The following PTPN23 variants were observed in gnomAD, a reference collection of about 807,000 sequenced individuals.
PTPN23 encodes protein tyrosine phosphatase non-receptor type 23, also known as tyrosine-protein phosphatase non-receptor type 23.
Under a neutral mutation model 156.3 loss-of-function variants are expected in PTPN23, and 72 were observed. The ratio of observed to expected loss-of-function variants is 0.46; its 90% CI spans 0.38 to 0.56. PTPN23 has a LOEUF of 0.56. PTPN23 is among the 20% of genes least tolerant of loss of function. The pLI is 0.00. For missense variants in PTPN23, 1,974 were observed against 2,171.5 expected, an observed-to-expected ratio of 0.91 and a Z score of 1.81; for synonymous variants, 957 against 899.6, an observed-to-expected ratio of 1.06 and a Z score of -1.14.
At chr3:47,382,531 G>C (rs1704565321) in intron 1 of PTPN23, among the ~76,000 whole-genome samples, 1 of 151,752 alleles carries the variant, frequency 6.6e-6, no homozygotes, top group Admixed American at 6.6e-5. Context: ...ATGTTGGTCA[G>C]ACTGGTCTCG....
Position 47,405,110 on chromosome 3 carries a change from C to A in PTPN23, c.364+29C>A, listed in dbSNP as rs771146202. ...AGCTGCCTGATCCCTTCCCCCGGCCCTACTCCCCAGTCCTGCCAGCCTAGC... is the reference window on the plus strand; with the variant it reads ...AGCTGCCTGATCCCTTCCCCCGGCCATACTCCCCAGTCCTGCCAGCCTAGC... On this transcript the variant is annotated intron_variant, in intron 4 of 24. Coordinates refer to ENST00000265562, the MANE Select transcript of PTPN23 (RefSeq NM_015466.4). This position sits in a 1 kb window ranked among gnomAD's most constrained non-coding sequence, Gnocchi z 4.7. The A allele has an allele frequency of 1.2e-6, 2 of 1,606,286 alleles. No homozygotes were observed. The highest frequency in any genetic ancestry group is 2.2e-5 in the South Asian group (2 of 90,926).
Position 47,409,929 on chromosome 3 carries a change from G to A in PTPN23, c.2131G>A (p.Glu711Lys), listed in dbSNP as rs760031401. ...ACTTTTTCCTTGCCTGTCGCACAGG[G>A]AGCTGAAGAAGAAGCCGCCGCCACG... ...EAARQQLLDRELKKKPPPRPT... is the reference protein window; with the variant it reads ...EAARQQLLDRKLKKKPPPRPT... The change falls in exon 20 of 25, where the codon GAG becomes AAG. Residue 711 changes from glutamate (E) to lysine (K), a missense_variant and splice_region_variant. Glu to Lys is a moderately conservative substitution (Grantham distance 56, BLOSUM62 1). Coordinates refer to ENST00000265562, the MANE Select transcript of PTPN23 (RefSeq NM_015466.4). 4.5e-6 allele frequency: 7 copies of A among 1,570,480 alleles called. No homozygotes were observed. The East Asian group carries it at 1.4e-4, about 30-fold the overall frequency.
Position 47,406,180 on chromosome 3 carries a change from C to T in PTPN23, c.546+134C>T. 2.0e-6 allele frequency: 3 copies of T among 1,480,672 alleles called. No individual in the cohort carries two copies. The highest frequency in any genetic ancestry group is 1.8e-6 in the Non-Finnish European group (2 of 1,091,974). 91.7% of individuals were successfully genotyped at this position (1,480,672 alleles called of 1,614,324 possible). A position where few individuals can be genotyped will look rare whatever the true frequency, so the allele number is the denominator to read the frequency against. On this transcript the variant is annotated intron_variant, in intron 6 of 24. Coordinates refer to ENST00000265562, the MANE Select transcript of PTPN23 (RefSeq NM_015466.4). The surrounding 1 kb of genome is among the most constrained non-coding windows in gnomAD (Gnocchi z 5.8). ...GGCCTTGGCTTTGTTGAATCAGGAGCACCGTGGTGCTGCTTGGAGTGGGGG... is the reference window on the plus strand; with the variant it reads ...GGCCTTGGCTTTGTTGAATCAGGAGTACCGTGGTGCTGCTTGGAGTGGGGG...
chr3:47,390,489 A>G (rs1704751168), intron 1 of PTPN23, among the ~76,000 whole-genome samples: 1 of 152,044 alleles, frequency 6.6e-6, no homozygotes, highest in Non-Finnish European at 1.5e-5. Context: ...GGGTCCTGTC[A>G]GGGCCTCTGG....
At chr3:47,399,883 T>A (rs1704957321) in intron 2 of PTPN23, among the ~76,000 whole-genome samples, 1 of 152,182 alleles carries the variant, frequency 6.6e-6, no homozygotes, top group Non-Finnish European at 1.5e-5. Context: ...CAGTCTATCT[T>A]GGCTCATTGC....
At chr3:47,388,696 G>T (rs56351005) in intron 1 of PTPN23, among the ~76,000 whole-genome samples, 54,994 of 130,894 alleles carry the variant, frequency 0.42, 10,934 homozygotes, top group East Asian at 0.56. Context: ...ACAGAGTTTC[G>T]CCTTGTCACG....
chr3:47,408,095 TGGTGGGGCTAGTGTGTAA>T, intron 14 of PTPN23, 140 bp downstream of exon 14: 1 of 1,081,368 alleles, frequency 9.2e-7, no homozygotes, highest in Non-Finnish European at 1.4e-6. Context: ...CCGCCTGGGG[TGGTGGGGCTAGTGTGTAA>T]GGCAGGAGTC....
rs1705187289 is a variant in PTPN23, at chr3:47,408,630, T to A, written c.1330+140T>A. ...GGGCATCCACACCCACTCCTCTGAA[T>A]CAGCATACCTCTTGCACCCTGCTCA... On this transcript the variant is annotated intron_variant, in intron 15 of 24. Coordinates refer to ENST00000265562, the MANE Select transcript of PTPN23 (RefSeq NM_015466.4). The A allele has an allele frequency of 2.1e-6, 3 of 1,412,946 alleles. No homozygotes were observed. In the African/African-American group the frequency reaches 4.3e-5, roughly 20 times the overall value. 87.5% of individuals were successfully genotyped at this position (1,412,946 alleles called of 1,614,324 possible). A position where few individuals can be genotyped will look rare whatever the true frequency, so the allele number is the denominator to read the frequency against.
In PTPN23 at chr3:47,407,664, T is replaced by G; in HGVS notation, c.1004-33T>G. 6.2e-7 allele frequency: 1 copy of G among 1,609,410 alleles called. No homozygotes were observed. Among genetic ancestry groups the G allele is most frequent in the South Asian group, 1.1e-5 (1 of 90,950 alleles). The stretch of plus-strand genomic sequence containing the variant: ...AGGAGGCTGCCTCAAGGACTCTGCG[T>G]GGGCCTGATCTCCACAATTCCCACC... On this transcript the variant is annotated intron_variant, in intron 12 of 24. Coordinates refer to ENST00000265562, the MANE Select transcript of PTPN23 (RefSeq NM_015466.4). This position sits in a 1 kb window ranked among gnomAD's most constrained non-coding sequence, Gnocchi z 4.0.
chr3:47,387,430 C>T (rs1031863254), intron 1 of PTPN23, among the ~76,000 whole-genome samples: 1 of 143,900 alleles, frequency 6.9e-6, no homozygotes, highest in African/African-American at 2.6e-5. Context: ...AAAGAAAGGT[C>T]AGGCGTGGTG....
chr3:47,409,335 G>T lies in PTPN23; in HGVS notation c.1797+18G>T. ...AGATGAAGGTGGGCTGGGTGAGCAG[G>T]GTAGAGGGGCTCTGGCTCCGGGCCC... On this transcript the variant is annotated intron_variant, in intron 17 of 24. Transcript: ENST00000265562. The T allele has an allele frequency of 5.0e-6, 8 of 1,613,654 alleles. No individual in the cohort carries two copies. Among genetic ancestry groups the T allele is most frequent in the Non-Finnish European group, 5.9e-6 (7 of 1,179,706 alleles).
rs148327878 is a variant in PTPN23 at position 47,406,749 on chromosome 3, G to A, written c.806G>A (p.Arg269Gln). Residue 269 changes from arginine to glutamine, a missense_variant and splice_region_variant, in exon 9 of 25, where the codon CGG becomes CAG. Arg to Gln is a conservative substitution (Grantham distance 43, BLOSUM62 1). This residue lies in a region of PTPN23 where 726 missense variants were observed against 929.5 expected (regional missense o/e 0.78). Transcript: ENST00000265562. The surrounding 1 kb of genome is among the most constrained non-coding windows in gnomAD (Gnocchi z 5.8). Reference sequence around the variant, plus strand: ...GAGGAGCAGCAGAAGTTCGGGGAGCGGGTGAGCTACAGCGAGGAGGGGACT... The same window carrying A: ...GAGGAGCAGCAGAAGTTCGGGGAGCAGGTGAGCTACAGCGAGGAGGGGACT... ...QAEEQQKFGERVAYFQSALDK... is the reference protein window; with the variant it reads ...QAEEQQKFGEQVAYFQSALDK... The A allele has an allele frequency of 1.0e-4, 168 of 1,613,478 alleles. No individual in the cohort carries two copies. Among genetic ancestry groups the A allele is most frequent in the Admixed American group, 2.0e-4 (12 of 59,984 alleles).
At position 47,410,170 on chromosome 3, in the gene PTPN23, T is replaced by C. The variant is rs1470199550; in HGVS notation, c.2372T>C (p.Leu791Ser). ...GPGPHYLSGP[L>S]PPGTYSGPTQ... ...GGACCCCACTATCTCTCAGGCCCCTTGCCCCCTGGTACCTACTCGGGCCCC... is the reference window on the plus strand; with the variant it reads ...GGACCCCACTATCTCTCAGGCCCCTCGCCCCCTGGTACCTACTCGGGCCCC... Residue 791 changes from leucine to serine, a missense_variant, in exon 20 of 25, where the codon TTG (leucine) becomes TCG (serine). This residue lies in a region of PTPN23 where 731 missense variants were observed against 669.1 expected (regional missense o/e 1.09). Coordinates refer to ENST00000265562, the MANE Select transcript of PTPN23 (RefSeq NM_015466.4). The C allele has an allele frequency of 1.9e-6, 3 of 1,594,908 alleles. No individual in the cohort carries two copies. The Admixed American group carries it at 5.2e-5, about 28-fold the overall frequency.
chr3:47,412,335 G>A lies in PTPN23; in HGVS notation c.4231G>A (p.Glu1411Lys). Residue 1411 changes from glutamate to lysine, a missense_variant, in exon 23 of 25, where the codon GAG (glutamate) becomes AAG (lysine). Glu to Lys is a moderately conservative substitution (Grantham distance 56). Coordinates refer to ENST00000265562, the MANE Select transcript of PTPN23 (RefSeq NM_015466.4). ...TGCACTGCTCTATGCAGCTGTGCAG[G>A]AGGTGGAGGCTGGGAACGGAATCCC... ...AFALLYAAVQ[E>K]VEAGNGIPEL... The A allele has an allele frequency of 6.2e-7, 1 of 1,613,424 alleles. No individual in the cohort carries two copies. Among genetic ancestry groups the A allele is most frequent in the Non-Finnish European group, 8.5e-7 (1 of 1,180,030 alleles).
chr3:47,389,268 T>C (rs1310214723), intron 1 of PTPN23, among the ~76,000 whole-genome samples: 1 of 152,172 alleles, frequency 6.6e-6, no homozygotes, highest in Non-Finnish European at 1.5e-5. Flanking sequence ...TTATGACAGC[T>C]CTGAGCTAGA....
At position 47,405,144 on chromosome 3, in the gene PTPN23, C is replaced by G; in HGVS notation, c.364+63C>G. 3 of 1,487,234 alleles carry G rather than the reference C, an allele frequency of 2.0e-6. No individual in the cohort carries two copies. Among genetic ancestry groups the G allele is most frequent in the Non-Finnish European group, 2.8e-6 (3 of 1,065,480 alleles). The allele number at this position is 1,487,234 out of a possible 1,614,324, so 92.1% of individuals were successfully genotyped here. On this transcript the variant is annotated intron_variant, in intron 4 of 24. Coordinates refer to ENST00000265562, the MANE Select transcript of PTPN23 (RefSeq NM_015466.4). This position sits in a 1 kb window ranked among gnomAD's most constrained non-coding sequence, Gnocchi z 4.7. The stretch of plus-strand genomic sequence containing the variant: ...AGTCCTGCCAGCCTAGCTTTCAGCT[C>G]TTCAGATGGCCACAAAGGCAGTGGG...
At chr3:47,382,411 T>A (rs1704563222) in intron 1 of PTPN23, among the ~76,000 whole-genome samples, 1 of 149,378 alleles carries the variant, frequency 6.7e-6, no homozygotes, top group Non-Finnish European at 1.5e-5. Context: ...AACGTCAGCC[T>A]CCCGGGTTTA....
rs1705097160 is a variant in PTPN23, at chr3:47,405,345, T to G, written c.364+264T>G. Reference sequence around the variant, plus strand: ...TGTGCTCTGTCTGGGAGAGAGGGCCTTTCTTCTTTGACTGGACAGCCCCTC... The same window carrying G: ...TGTGCTCTGTCTGGGAGAGAGGGCCGTTCTTCTTTGACTGGACAGCCCCTC... On this transcript the variant is annotated intron_variant, in intron 4 of 24. Transcript: ENST00000265562. The surrounding 1 kb of genome is among the most constrained non-coding windows in gnomAD (Gnocchi z 4.7). 1.8e-6 allele frequency: 1 copy of G among 552,792 alleles called. No individual in the cohort carries two copies. The highest frequency in any genetic ancestry group is 3.2e-6 in the Non-Finnish European group (1 of 307,868). 34.2% of individuals were successfully genotyped at this position (552,792 alleles called of 1,614,324 possible).
Position 47,410,698 on chromosome 3 carries a change from T to C in PTPN23, c.2900T>C (p.Phe967Ser), listed in dbSNP as rs774861776. 7.5e-6 allele frequency: 12 copies of C among 1,603,538 alleles called. No homozygotes were observed. The East Asian group carries it at 2.2e-4, about 30-fold the overall frequency. ...PHPQPHPSQA[F>S]GPQPPQQPLP... ...CCTCAGCCCCATCCTTCACAAGCGT[T>C]TGGGCCTCAGCCCCCACAGCAGCCC... The change falls in exon 20 of 25, where the codon TTT becomes TCT. Residue 967 changes from phenylalanine to serine, a missense_variant. This residue lies in a region of PTPN23 where 731 missense variants were observed against 669.1 expected (regional missense o/e 1.09). Coordinates refer to ENST00000265562, the MANE Select transcript of PTPN23 (RefSeq NM_015466.4).
Sources: gnomAD v4.1 joint callset for allele counts (sites outside exome capture counted in the v4.1 genomes callset) on GRCh38, gnomAD v4.1.1 for gene constraint, gnomAD v4.1.1 regional missense constraint, Gnocchi (gnomAD v3.1) non-coding constraint, MANE v1.5 for transcripts, NCBI Gene and HGNC (gene_info 2026-07-23, HGNC 2026-07-21) for gene names.